Variants in ALDH1A2 observed in about 807,000 individuals in gnomAD.
ALDH1A2 encodes retinal dehydrogenase 2.
In ALDH1A2, 27 loss-of-function variants were observed where a neutral mutation model predicts 60.3. The observed-to-expected ratio is 0.45, with a 90% CI of 0.33 to 0.62. The LOEUF (loss-of-function observed/expected upper bound fraction) is 0.62, where lower values mean the gene tolerates loss of function less well. Among genes scored for constraint, ALDH1A2 ranks in the 20% least tolerant of loss-of-function variants. The pLI, the probability that ALDH1A2 is intolerant of heterozygous loss-of-function variation, is 0.02. For synonymous variants in ALDH1A2, 289 were observed against 232.4 expected (o/e 1.24, Z -2.21); for missense variants, 581 against 643.8 (o/e 0.90, Z 1.06).
chr15:58,061,884 G>T (rs1220746519), intron 1 of ALDH1A2, among the ~76,000 whole-genome samples: 1 of 152,054 alleles, frequency 6.6e-6, no homozygotes, highest in Non-Finnish European at 1.5e-5. Context: ...TTGATCAACT[G>T]AACTACTGCT....
rs1294078722 is a variant in ALDH1A2 at position 57,954,049 on chromosome 15, G to A, written c.*1148C>T. 1.3e-5 allele frequency: 2 copies of A among 152,444 alleles called. No individual in the cohort carries two copies. The highest frequency in any genetic ancestry group is 1.5e-5 in the Non-Finnish European group (1 of 68,092). 9.4% of individuals were successfully genotyped at this position (152,444 alleles called of 1,614,324 possible). On this transcript the variant is annotated 3_prime_UTR_variant, in exon 13 of 13. Transcript: ENST00000249750. ...GGGGCAAGAATGGGGTGTGACAGAG[G>A]AGCTCAGTGGAGCACGGCAGTCCTG...
rs1407802778 is a variant in ALDH1A2 at position 57,974,497 on chromosome 15, A to G, written c.799-8670T>C. On this transcript the variant is annotated intron_variant, in intron 7 of 12. Transcript: ENST00000249750. ...TAAATATGGAAAATTTATGCTTGAA[A>G]AAAGCAAGCATCACAAAGGCAATTC... 5.3e-5 allele frequency among the ~76,000 whole-genome samples: 8 copies of G among 152,186 alleles called. No individual in the cohort carries two copies. The East Asian group carries it at 7.7e-4, about 15-fold the overall frequency.
intron 7 of ALDH1A2, among the ~76,000 whole-genome samples, chr15:57,974,813 A>C (rs1317793358): frequency 2.0e-5 from 3 of 152,234 alleles, no homozygotes; most frequent in Non-Finnish European, 4.4e-5. Flanking sequence ...CACTGGGAGA[A>C]ATTATTTGCA....
intron 4 of ALDH1A2, among the ~76,000 whole-genome samples, chr15:57,998,317 A>G (rs984680972): frequency 1.3e-5 from 2 of 152,124 alleles, no homozygotes; most frequent in Admixed American, 6.6e-5. Flanking sequence ...GTCTCAGCAC[A>G]AAAGCTTCTT....
intron 2 of ALDH1A2, 75 bp downstream of exon 2, chr15:58,014,102 G>A: frequency 6.2e-7 from 1 of 1,613,908 alleles, no homozygotes; most frequent in South Asian, 1.1e-5. Context: ...GTGGTGTACT[G>A]AGAGCATATG....
At chr15:58,047,248 A>T (rs1438759553) in intron 1 of ALDH1A2, among the ~76,000 whole-genome samples, 3 of 152,026 alleles carry the variant, frequency 2.0e-5, no homozygotes, top group African/African-American at 7.2e-5. Context: ...TTGTTTTTTT[A>T]ATAGTAAATG....
intron 7 of ALDH1A2, among the ~76,000 whole-genome samples, chr15:57,968,123 C>T (rs890701348): frequency 2.6e-5 from 4 of 152,076 alleles, no homozygotes; most frequent in African/African-American, 9.7e-5. Context: ...CTGGGGGAAT[C>T]CAAATTAACT....
At chr15:58,033,215 C>G (rs1366441129) in intron 1 of ALDH1A2, among the ~76,000 whole-genome samples, 2 of 151,902 alleles carry the variant, frequency 1.3e-5, no homozygotes, top group African/African-American at 4.8e-5. Context: ...ATCTCATTTA[C>G]CCCCATAAAT....
intron 1 of ALDH1A2, 169 bp downstream of exon 1, chr15:58,065,365 C>T: frequency 1.4e-6 from 1 of 709,900 alleles, no homozygotes; most frequent in Non-Finnish European, 2.5e-6. Context: ...GGGCTTCAAA[C>T]GCCCCAGTCC....
At chr15:57,992,876 T>C in intron 6 of ALDH1A2, 58 bp from the exon 7 acceptor site, 1 of 1,609,642 alleles carries the variant, frequency 6.2e-7, no homozygotes, top group Non-Finnish European at 8.5e-7. Context: ...TCATGTTAAA[T>C]GAGATATGCT....
chr15:58,052,267 G>C (rs1045043895), intron 1 of ALDH1A2, among the ~76,000 whole-genome samples: 2 of 152,104 alleles, frequency 1.3e-5, no homozygotes, highest in African/African-American at 2.4e-5. Flanking sequence ...TATGCAAGCA[G>C]TTCAGTATTG....
chr15:58,061,858 C>A (rs1897047884), intron 1 of ALDH1A2, among the ~76,000 whole-genome samples: 1 of 152,132 alleles, frequency 6.6e-6, no homozygotes, highest in African/African-American at 2.4e-5. Context: ...TAATTATCAT[C>A]ATCATTATTA....
intron 1 of ALDH1A2, among the ~76,000 whole-genome samples, chr15:58,064,511 G>A (rs774689112): frequency 1.3e-5 from 2 of 152,242 alleles, no homozygotes; most frequent in South Asian, 4.1e-4. Context: ...AAGCACGATG[G>A]AATACATCTT....
chr15:58,045,139 T>C (rs1426994483), intron 1 of ALDH1A2, among the ~76,000 whole-genome samples: 3 of 151,854 alleles, frequency 2.0e-5, no homozygotes, highest in African/African-American at 7.3e-5. Flanking sequence ...AACAAACATA[T>C]GAAAAAATGC....
intron 8 of ALDH1A2, chr15:57,964,426 A>G (rs1389239816): frequency 1.9e-5 from 4 of 208,710 alleles, no homozygotes; most frequent in African/African-American, 9.1e-5. Context: ...GAAAGCCACT[A>G]CATTTAATCA....
Position 57,962,191 on chromosome 15 carries a change from A to G in ALDH1A2, c.1087-15T>C, listed in dbSNP as rs773789352. On this transcript the variant is annotated splice_polypyrimidine_tract_variant and intron_variant, in intron 9 of 12. Transcript: ENST00000249750. ...TTCTTATCAATCTGTGGGAGACAAGACTTAATGACTCCAAATATAACCTTC... is the reference window on the plus strand; with the variant it reads ...TTCTTATCAATCTGTGGGAGACAAGGCTTAATGACTCCAAATATAACCTTC... The G allele has an allele frequency of 6.2e-6, 10 of 1,612,890 alleles. No homozygotes were observed. The African/African-American group carries it at 1.2e-4, about 19-fold the overall frequency.
intron 8 of ALDH1A2, among the ~76,000 whole-genome samples, chr15:57,965,026 G>A (rs1423367489): frequency 9.3e-5 from 14 of 151,342 alleles, no homozygotes; most frequent in Non-Finnish European, 1.9e-4. Flanking sequence ...AAAAAAAAAA[G>A]AATCACTGAA....
chr15:57,982,471 CTT>C (rs1370634433), intron 7 of ALDH1A2, among the ~76,000 whole-genome samples: 2 of 152,116 alleles, frequency 1.3e-5, no homozygotes, highest in Non-Finnish European at 2.9e-5. Flanking sequence ...TTCTGTCAAA[CTT>C]TCATTTTAAG....
At position 57,953,546 on chromosome 15, in the gene ALDH1A2, G is replaced by A. The variant is rs1193920544; in HGVS notation, c.*1651C>T. ...TCCAAAGGTAACTAGTTGGTTAGTG[G>A]CTATGTCCACTTGGACACATGCTAC... is the stretch of plus-strand genomic sequence containing the variant. On this transcript the variant is annotated 3_prime_UTR_variant, in exon 13 of 13. Transcript: ENST00000249750. 2.6e-5 allele frequency: 4 copies of A among 152,664 alleles called. No individual in the cohort carries two copies. The highest frequency in any genetic ancestry group is 4.8e-5 in the African/African-American group (2 of 41,400). The allele number at this position is 152,664 out of a possible 1,614,324, so 9.5% of individuals were successfully genotyped here.
Sources: allele counts gnomAD v4.1 joint callset (sites outside exome capture counted in the v4.1 genomes callset), GRCh38; gene constraint gnomAD v4.1.1; transcripts MANE v1.5; gene names NCBI Gene and HGNC (gene_info 2026-07-23, HGNC 2026-07-21).